The following TMEM67 variants were observed in gnomAD, a reference collection of about 807,000 sequenced individuals.
TMEM67 encodes transmembrane protein 67.
In TMEM67, 124 loss-of-function variants were observed where a neutral mutation model predicts 136.6. The ratio of observed to expected loss-of-function variants is 0.91; its 90% CI spans 0.78 to 1.05. TMEM67 has a LOEUF of 1.05. TMEM67 is among the 50% of genes least tolerant of loss of function. TMEM67 has a pLI of 0.00. For synonymous variants in TMEM67, 364 were observed against 390.5 expected (o/e 0.93, Z 0.80); for missense variants, 1,107 against 1,178.4 (o/e 0.94, Z 0.89).
In TMEM67 at chr8:93,816,335, A is replaced by C. The variant is rs1432702919; in HGVS notation, c.2908-37A>C. On this transcript the variant is annotated intron_variant, in intron 27 of 27. Transcript: ENST00000453321. ...TCGACGTGCATATTTAATTCTGTTTATATTTCTTTTCATTCTGAATTGTTT... is the reference window on the plus strand; with the variant it reads ...TCGACGTGCATATTTAATTCTGTTTCTATTTCTTTTCATTCTGAATTGTTT... 3.9e-6 allele frequency: 4 copies of C among 1,031,354 alleles called. No homozygotes were observed. The African/African-American group carries it at 6.4e-5, about 16-fold the overall frequency. 63.9% of individuals were successfully genotyped at this position (1,031,354 alleles called of 1,614,324 possible).
intron 15 of TMEM67, among the ~76,000 whole-genome samples, chr8:93,791,576 T>C (rs560837960): frequency 5.3e-5 from 8 of 150,662 alleles, no homozygotes; most frequent in Non-Finnish European, 1.0e-4. Flanking sequence ...GGGTCACATA[T>C]TGCTTTTAGC....
At chr8:93,831,404 T>C in the TMEM67 span, among the ~76,000 whole-genome samples, 1 of 152,240 alleles carries the variant, frequency 6.6e-6, no homozygotes, top group Non-Finnish European at 1.5e-5. Flanking sequence ...AGATTTCTAT[T>C]ACAATGGACA....
At chr8:93,786,154 A>G in intron 12 of TMEM67, 69 bp from the exon 13 acceptor site, 22 of 1,508,148 alleles carry the variant, frequency 1.5e-5, no homozygotes, top group East Asian at 2.3e-5. Context: ...TTTTGCAGCC[A>G]TCTTATCTAA....
At chr8:93,795,370 G>C (rs975735351) in intron 16 of TMEM67, 39 bp from the exon 17 acceptor site, 2 of 1,516,546 alleles carry the variant, frequency 1.3e-6, no homozygotes, top group Non-Finnish European at 1.8e-6. Context: ...TATATACATG[G>C]AGTCTTAAAC....
rs1211446552 is a variant in TMEM67, at chr8:93,786,304, C to G, written c.1370C>G (p.Thr457Ser). 1 of 1,614,000 alleles carries G rather than the reference C, an allele frequency of 6.2e-7. No individual in the cohort carries two copies. Among genetic ancestry groups the G allele is most frequent in the Admixed American group, 1.7e-5 (1 of 60,028 alleles). ...AVSGRENDLG[T>S]QPRVIRVATQ... is the part of the protein sequence containing the mutation. ...AGTGGACGAGAAAATGACTTAGGAA[C>G]TCAGCCAAGAGTAATTCGAGTTGCT... The change falls in exon 13 of 28, where the codon ACT becomes AGT. Residue 457 changes from threonine (T) to serine (S), a missense_variant. Physicochemically the swap from Thr to Ser is moderately conservative, Grantham distance 58. Coordinates refer to ENST00000453321, the MANE Select transcript of TMEM67 (RefSeq NM_153704.6).
At chr8:93,783,604 T>G (rs1813951229) in intron 11 of TMEM67, among the ~76,000 whole-genome samples, 3 of 152,212 alleles carry the variant, frequency 2.0e-5, no homozygotes, top group African/African-American at 7.2e-5. Context: ...AACATGCATG[T>G]ATTAGTCCGT....
intron 23 of TMEM67, among the ~76,000 whole-genome samples, chr8:93,805,084 C>T (rs1349009579): frequency 6.6e-6 from 1 of 152,038 alleles, no homozygotes; most frequent in East Asian, 1.9e-4. Flanking sequence ...GTGATCCTCC[C>T]GTCTCAGCTT....
chr8:93,804,300 C>T (rs974903392), intron 22 of TMEM67, among the ~76,000 whole-genome samples: 3 of 88,894 alleles, frequency 3.4e-5, no homozygotes, highest in Admixed American at 1.4e-4. Context: ...TTTCTTTTCT[C>T]TTTTCTTTTC....
chr8:93,795,878 T>G (rs758830724), intron 17 of TMEM67, 23 bp from the exon 18 acceptor site: 54 of 1,486,140 alleles, frequency 3.6e-5, no homozygotes, highest in Non-Finnish European at 4.8e-5. Flanking sequence ...TGATAATATT[T>G]AATCAAGTAA....
chr8:93,826,987 G>A, the TMEM67 span, among the ~76,000 whole-genome samples: 1 of 151,924 alleles, frequency 6.6e-6, no homozygotes, highest in Non-Finnish European at 1.5e-5. Context: ...GTGCCACCAC[G>A]CCCAGCTAAT....
At position 93,797,360 on chromosome 8, in the gene TMEM67, C is replaced by A; in HGVS notation, c.1990C>A (p.Pro664Thr). Residue 664 changes from proline (P) to threonine (T), a missense_variant, in exon 20 of 28, where the codon CCT becomes ACT. Physicochemically the swap from Pro to Thr is conservative, Grantham distance 38. Transcript: ENST00000453321. Reference protein sequence around the residue: ...GEGGVRSATVPVSIWRTYFVA... With the variant: ...GEGGVRSATVTVSIWRTYFVA... The stretch of plus-strand genomic sequence containing the variant: ...GGGTGGTGTACGAAGTGCCACTGTT[C>A]CTGTAAGCATATGGAGAACATATTT... 6.2e-7 allele frequency: 1 copy of A among 1,614,016 alleles called. No homozygotes were observed. The highest frequency in any genetic ancestry group is 1.1e-5 in the South Asian group (1 of 91,068).
chr8:93,831,518 C>T, the TMEM67 span, among the ~76,000 whole-genome samples: 6 of 152,302 alleles, frequency 3.9e-5, no homozygotes, highest in East Asian at 5.8e-4. Context: ...GAAAGCCATT[C>T]GCCAATCTTC....
At position 93,797,345 on chromosome 8, in the gene TMEM67, C is replaced by T. The variant is rs150332116; in HGVS notation, c.1975C>T (p.Arg659Ter). Residue 659 changes from arginine to a stop codon, truncating the protein, a stop_gained, in exon 20 of 28, where the codon CGA (arginine) becomes TGA (stop). Coordinates refer to ENST00000453321, the MANE Select transcript of TMEM67 (RefSeq NM_153704.6). LOFTEE classifies it high-confidence loss of function. Reference protein sequence around the residue: ...LKAVEGEGGVRSATVPVSIWR... With the variant: ...LKAVEGEGGV The stretch of plus-strand genomic sequence containing the variant: ...TTCCTGACCAGGTGAGGGTGGTGTA[C>T]GAAGTGCCACTGTTCCTGTAAGCAT... The T allele has an allele frequency of 3.8e-5, 62 of 1,613,898 alleles. No homozygotes were observed. The highest frequency in any genetic ancestry group is 2.2e-5 in the South Asian group (2 of 91,082).
chr8:93,785,933 G>A (rs562984501), intron 12 of TMEM67: 3 of 377,222 alleles, frequency 8.0e-6, no homozygotes, highest in African/African-American at 2.1e-5. Context: ...AGCTTGGTGT[G>A]ATGGTGCACC....
intron 2 of TMEM67, chr8:93,757,252 T>C (rs1315866423): frequency 6.6e-6 from 1 of 152,148 alleles, no homozygotes; most frequent in Non-Finnish European, 1.5e-5. Flanking sequence ...TGGTTACATC[T>C]GTGTTTGTAA....
chr8:93,781,299 T>TG (rs1214520163), intron 9 of TMEM67, among the ~76,000 whole-genome samples: 1 of 152,194 alleles, frequency 6.6e-6, no homozygotes, highest in Non-Finnish European at 1.5e-5. Flanking sequence ...AAAGATTGAT[T>TG]GGGGCTCTGT....
At chr8:93,759,283 G>A (rs1428464322) in intron 3 of TMEM67, 1 of 151,190 alleles carries the variant, frequency 6.6e-6, no homozygotes, top group East Asian at 2.0e-4. Flanking sequence ...GCAACATGGT[G>A]AAACCGCATC....
At chr8:93,770,294 A>G (rs1813274366) in intron 6 of TMEM67, among the ~76,000 whole-genome samples, 4 of 152,204 alleles carry the variant, frequency 2.6e-5, no homozygotes. Context: ...TGTAGACATA[A>G]TGACATTGCA....
rs1812499751 is a variant in TMEM67, at chr8:93,754,986, G to A, written c.72G>A (p.Ala24=). 6.2e-7 allele frequency: 1 copy of A among 1,614,176 alleles called. No homozygotes were observed. Among genetic ancestry groups the A allele is most frequent in the Non-Finnish European group, 8.5e-7 (1 of 1,180,030 alleles). Residue 24 remains alanine, a synonymous_variant, in exon 1 of 28, where the codon GCG becomes GCA. Coordinates refer to ENST00000453321, the MANE Select transcript of TMEM67 (RefSeq NM_153704.6). ...TCTTATCCGCCCGGGCCGTGACCGC[G>A]TTCCTTCTGTTGTTCCTCCCTCGCT... ...WSLLSARAVT[A]FLLLFLPRFL... is the part of the protein sequence containing the mutation.
Sources: allele counts gnomAD v4.1 joint callset (sites outside exome capture counted in the v4.1 genomes callset), GRCh38; gene constraint gnomAD v4.1.1; transcripts MANE v1.5; gene names NCBI Gene and HGNC (gene_info 2026-07-23, HGNC 2026-07-21).